The following KCNQ3 variants were observed in gnomAD, a reference collection of about 807,000 sequenced individuals.
KCNQ3 encodes potassium voltage-gated channel subfamily Q member 3.
Under a neutral mutation model 92.5 loss-of-function variants are expected in KCNQ3, and 30 were observed. That is an observed-to-expected ratio of 0.32 (90% CI 0.24 to 0.44). KCNQ3 has a LOEUF of 0.44. KCNQ3 is among the 20% of genes least tolerant of loss of function. KCNQ3 has a pLI of 1.00. For missense variants in KCNQ3, 913 were observed against 1,140.3 expected, an observed-to-expected ratio of 0.80 and a Z score of 2.87; for synonymous variants, 450 against 468.8, an observed-to-expected ratio of 0.96 and a Z score of 0.52.
At chr8:132,151,492 A>G (rs1009775182) in intron 9 of KCNQ3, among the ~76,000 whole-genome samples, 5 of 152,354 alleles carry the variant, frequency 3.3e-5, no homozygotes, top group African/African-American at 1.2e-4. Context: ...GTGTGAATAT[A>G]TTGATTAAAT....
intron 1 of KCNQ3, chr8:132,277,994 T>G: frequency 1.0e-6 from 1 of 985,314 alleles, no homozygotes. Flanking sequence ...ACAGAAGGGA[T>G]CATCCTTCTG....
chr8:132,132,056 C>A, intron 14 of KCNQ3, 124 bp downstream of exon 14: 1 of 723,680 alleles, frequency 1.4e-6, no homozygotes. Flanking sequence ...CCATTGCACT[C>A]CAGCCTGGGC....
intron 1 of KCNQ3, among the ~76,000 whole-genome samples, chr8:132,199,193 T>TA (rs979179957): frequency 7.9e-5 from 12 of 151,236 alleles, no homozygotes; most frequent in South Asian, 6.3e-4. Context: ...AGAAAAATAA[T>TA]AAAAAAAAAC....
chr8:132,261,563 C>A (rs1815788052), intron 1 of KCNQ3, among the ~76,000 whole-genome samples: 1 of 152,300 alleles, frequency 6.6e-6, no homozygotes, highest in South Asian at 2.1e-4. Context: ...CGGCTGGCTG[C>A]AGGAAAGAGG....
chr8:132,135,601 C>G (rs1157366681), intron 12 of KCNQ3, among the ~76,000 whole-genome samples: 1 of 152,164 alleles, frequency 6.6e-6, no homozygotes, highest in Non-Finnish European at 1.5e-5. Flanking sequence ...GTAGCAAAAA[C>G]TATGCCACTG....
intron 1 of KCNQ3, among the ~76,000 whole-genome samples, chr8:132,260,728 A>C (rs1262455855): frequency 6.6e-6 from 1 of 152,098 alleles, no homozygotes; most frequent in Non-Finnish European, 1.5e-5. Flanking sequence ...GTTTTCATTT[A>C]TCAACTTCTG....
chr8:132,370,608 T>A (rs1819447962), intron 1 of KCNQ3, among the ~76,000 whole-genome samples: 2 of 152,094 alleles, frequency 1.3e-5, no homozygotes, highest in African/African-American at 2.4e-5. Context: ...TCAAGCCAAA[T>A]TCAGCTGCAG....
rs560992006 is a variant in KCNQ3 at position 132,436,356 on chromosome 8, T to C, written c.386+43791A>G. Among the ~76,000 whole-genome samples, 86 of 152,348 alleles carry C rather than the reference T, an allele frequency of 5.6e-4. 1 individual carries two copies. Among genetic ancestry groups the C allele is most frequent in the African/African-American group, 2.1e-3 (86 of 41,586 alleles). On this transcript the variant is annotated intron_variant, in intron 1 of 14. Coordinates refer to ENST00000388996, the MANE Select transcript of KCNQ3 (RefSeq NM_004519.4). ...ACTTGATCATATAAATCACCATCAC[T>C]AATAAACATTTTCAATATTTCTTAA...
intron 1 of KCNQ3, among the ~76,000 whole-genome samples, chr8:132,289,097 G>C (rs756913018): frequency 6.6e-6 from 1 of 152,054 alleles, no homozygotes; most frequent in Non-Finnish European, 1.5e-5. Flanking sequence ...GAATATAAGA[G>C]GTAGGTTAAA....
intron 1 of KCNQ3, among the ~76,000 whole-genome samples, chr8:132,214,679 A>G (rs1813968895): frequency 6.6e-6 from 1 of 152,242 alleles, no homozygotes; most frequent in South Asian, 2.1e-4. Context: ...GAAAGCAAAA[A>G]TGACATTGCC....
intron 11 of KCNQ3, among the ~76,000 whole-genome samples, chr8:132,138,495 T>G (rs1442792266): frequency 6.6e-6 from 1 of 152,122 alleles, no homozygotes; most frequent in Non-Finnish European, 1.5e-5. Context: ...AGCTGATATA[T>G]CTCATCCTCA....
intron 1 of KCNQ3, among the ~76,000 whole-genome samples, chr8:132,235,739 G>A (rs1285495265): frequency 1.3e-5 from 2 of 152,168 alleles, no homozygotes; most frequent in Non-Finnish European, 2.9e-5. Flanking sequence ...TCCACTTTGT[G>A]TCTCAAATAC....
rs148924157 is a variant in KCNQ3, at chr8:132,451,284, G to A, written c.386+28863C>T. On this transcript the variant is annotated intron_variant, in intron 1 of 14. Transcript: ENST00000388996. ...ATGATTGTGAGGCCTCCCCAGCCAC[G>A]TGGAACTGTGAGTCCATTAAACCTT... Among the ~76,000 whole-genome samples the A allele has an allele frequency of 5.4e-3, 820 of 152,332 alleles. 5 individuals carry two copies. The highest frequency in any genetic ancestry group is 0.019 in the African/African-American group (775 of 41,578).
intron 1 of KCNQ3, among the ~76,000 whole-genome samples, chr8:132,425,948 C>A (rs1032200234): frequency 6.6e-6 from 1 of 152,184 alleles, no homozygotes; most frequent in African/African-American, 2.4e-5. Flanking sequence ...TACAACATGA[C>A]AGTACAAAGG....
intron 6 of KCNQ3, 47 bp from the exon 7 acceptor site, chr8:132,172,740 C>T (rs1412609413): frequency 7.2e-7 from 1 of 1,388,464 alleles, no homozygotes; most frequent in Non-Finnish European, 1.0e-6. Context: ...TAGACTGTCC[C>T]AGCATTCCCG....
At position 132,481,036 on chromosome 8, in the gene KCNQ3, T is replaced by C. The variant is rs71512326; in HGVS notation, c.-504A>G. The C allele has an allele frequency of 0.76, 114,182 of 151,134 alleles. 43,616 individuals carry two copies. Among genetic ancestry groups the C allele is most frequent in the African/African-American group, 0.88 (36,153 of 41,262 alleles). The allele number at this position is 151,134 out of a possible 1,614,324, so 9.4% of individuals were successfully genotyped here. On this transcript the variant is annotated 5_prime_UTR_variant, in exon 1 of 15. Coordinates refer to ENST00000388996, the MANE Select transcript of KCNQ3 (RefSeq NM_004519.4). ...TCCCACCCGCGCCCCTCCCCGCCCG[T>C]TCCAGCCTCAGCCTGTCAGCAGCAG...
intron 1 of KCNQ3, among the ~76,000 whole-genome samples, chr8:132,428,665 T>C (rs962521769): frequency 6.6e-6 from 1 of 152,244 alleles, no homozygotes; most frequent in African/African-American, 2.4e-5. Flanking sequence ...CAGCAAGCTA[T>C]ACCTCTGTTA....
intron 1 of KCNQ3, among the ~76,000 whole-genome samples, chr8:132,416,793 G>A (rs1015689618): frequency 1.3e-5 from 2 of 152,172 alleles, no homozygotes; most frequent in Non-Finnish European, 2.9e-5. Context: ...GCTGAGAAAA[G>A]GTGAGCTCGG....
intron 1 of KCNQ3, among the ~76,000 whole-genome samples, chr8:132,344,712 T>C (rs1425485827): frequency 2.0e-5 from 3 of 152,084 alleles, no homozygotes; most frequent in Non-Finnish European, 4.4e-5. Flanking sequence ...AGGCTACAGG[T>C]TCAGGGTATA....
Sources: gnomAD v4.1 joint callset for allele counts (sites outside exome capture counted in the v4.1 genomes callset) on GRCh38, gnomAD v4.1.1 for gene constraint, MANE v1.5 for transcripts, NCBI Gene and HGNC (gene_info 2026-07-23, HGNC 2026-07-21) for gene names.